The following CACNG2 variants were observed in gnomAD, a reference collection of about 807,000 sequenced individuals.
CACNG2 encodes the protein calcium voltage-gated channel auxiliary subunit gamma 2, also known as voltage-dependent calcium channel gamma-2 subunit.
In CACNG2, 3 loss-of-function variants were observed where a neutral mutation model predicts 25.9. The ratio of observed to expected loss-of-function variants is 0.12; its 90% confidence interval spans 0.05 to 0.30. The LOEUF (loss-of-function observed/expected upper bound fraction) is 0.30, where lower values mean the gene tolerates loss of function less well. Ranked by LOEUF, CACNG2 falls within the 10% of genes least tolerant of loss-of-function variation. CACNG2 has a pLI of 1.00. For missense variants in CACNG2, 341 were observed against 432.5 expected, an observed-to-expected ratio of 0.79 and a Z score of 1.88; for synonymous variants, 167 against 173.3, an observed-to-expected ratio of 0.96 and a Z score of 0.29.
intron 2 of CACNG2, among the ~76,000 whole-genome samples, chr22:36,571,050 T>C (rs1471725615): frequency 6.6e-6 from 1 of 152,176 alleles, no homozygotes; most frequent in Non-Finnish European, 1.5e-5. Context: ...GAGCCTCAGT[T>C]TCCCCATCCT....
intron 1 of CACNG2, among the ~76,000 whole-genome samples, chr22:36,607,166 T>C (rs553698540): frequency 6.6e-6 from 1 of 152,224 alleles, no homozygotes; most frequent in South Asian, 2.1e-4. Flanking sequence ...GATTCCTCCA[T>C]CGGGTGAAAA....
chr22:36,625,552 T>C (rs1936171849), intron 1 of CACNG2, among the ~76,000 whole-genome samples: 1 of 152,186 alleles, frequency 6.6e-6, no homozygotes, highest in Admixed American at 6.5e-5. Flanking sequence ...CTTCCAAGTA[T>C]GTAGTAGGCT....
At chr22:36,691,211 G>A (rs1178232780) in intron 1 of CACNG2, among the ~76,000 whole-genome samples, 2 of 152,188 alleles carry the variant, frequency 1.3e-5, no homozygotes, top group Non-Finnish European at 2.9e-5. Flanking sequence ...CAGGTGGGAG[G>A]GAGCAGGGTG....
At chr22:36,693,053 T>A (rs1224634845) in intron 1 of CACNG2, among the ~76,000 whole-genome samples, 1 of 151,920 alleles carries the variant, frequency 6.6e-6, no homozygotes, top group Non-Finnish European at 1.5e-5. Context: ...GGCTGAGGCA[T>A]AAGAATTGCT....
intron 1 of CACNG2, among the ~76,000 whole-genome samples, chr22:36,697,798 G>A (rs1309327334): frequency 6.6e-6 from 1 of 152,128 alleles, no homozygotes; most frequent in Non-Finnish European, 1.5e-5. Context: ...AACAGGGGTG[G>A]GCCATTCTAA....
intron 1 of CACNG2, among the ~76,000 whole-genome samples, chr22:36,605,457 C>G (rs962484171): frequency 2.6e-5 from 4 of 152,182 alleles, no homozygotes; most frequent in African/African-American, 4.8e-5. Context: ...TTGTGGTGAT[C>G]CAGAACCGAA....
intron 1 of CACNG2, among the ~76,000 whole-genome samples, chr22:36,601,115 T>C (rs1418626002): frequency 1.3e-5 from 2 of 152,250 alleles, no homozygotes; most frequent in African/African-American, 4.8e-5. Context: ...TTTGCTACTT[T>C]GAATCCTTTG....
chr22:36,700,709 TG>T (rs1937400799), intron 1 of CACNG2, among the ~76,000 whole-genome samples: 1 of 152,204 alleles, frequency 6.6e-6, no homozygotes, highest in Non-Finnish European at 1.5e-5. Context: ...TGTGTGTGCA[TG>T]TGTTTAAAAC....
intron 2 of CACNG2, among the ~76,000 whole-genome samples, chr22:36,578,001 T>C (rs575711692): frequency 9.9e-5 from 15 of 152,080 alleles, no homozygotes; most frequent in African/African-American, 3.6e-4. Context: ...GGGCAGGTCA[T>C]TTTCCCTCTT....
intron 2 of CACNG2, among the ~76,000 whole-genome samples, chr22:36,585,776 C>T (rs1412839097): frequency 6.6e-6 from 1 of 152,216 alleles, no homozygotes; most frequent in Non-Finnish European, 1.5e-5. Flanking sequence ...CAATCTGAGT[C>T]CAAGTCTTTT....
In CACNG2 at chr22:36,570,050, A is replaced by G. The variant is rs1935198369; in HGVS notation, c.296-3557T>C. On this transcript the variant is annotated intron_variant, in intron 2 of 3. Coordinates refer to ENST00000300105, the MANE Select transcript of CACNG2 (RefSeq NM_006078.5). Reference sequence around the variant, plus strand: ...GTCTTACTACCCACAGGATGCCTGCAGGTCGCCGACCCAATTGTGCCCTCA... The same window carrying G: ...GTCTTACTACCCACAGGATGCCTGCGGGTCGCCGACCCAATTGTGCCCTCA... 2.6e-5 allele frequency among the ~76,000 whole-genome samples: 4 copies of G among 152,206 alleles called. No individual in the cohort carries two copies. In the South Asian group the frequency reaches 8.3e-4, roughly 32 times the overall value.
chr22:36,663,844 A>C (rs1192218477), intron 1 of CACNG2, among the ~76,000 whole-genome samples: 1 of 152,182 alleles, frequency 6.6e-6, no homozygotes, highest in Admixed American at 6.5e-5. Flanking sequence ...AATTCAGGAC[A>C]CAGGCCTCGA....
intron 2 of CACNG2, among the ~76,000 whole-genome samples, chr22:36,567,835 G>GA (rs1175200342): frequency 6.6e-6 from 1 of 152,074 alleles, no homozygotes; most frequent in African/African-American, 2.4e-5. Context: ...AGGGGTGAGG[G>GA]AAAATATGTC....
intron 1 of CACNG2, among the ~76,000 whole-genome samples, chr22:36,682,073 G>T (rs917021285): frequency 1.3e-5 from 2 of 152,214 alleles, no homozygotes; most frequent in African/African-American, 4.8e-5. Context: ...CCAAGAGGCA[G>T]AATTCCTATG....
chr22:36,603,528 A>G (rs1935784972), intron 1 of CACNG2, among the ~76,000 whole-genome samples: 1 of 152,220 alleles, frequency 6.6e-6, no homozygotes, highest in Admixed American at 6.5e-5. Context: ...TCATAGCAAG[A>G]GAGGTCAATG....
intron 1 of CACNG2, among the ~76,000 whole-genome samples, chr22:36,603,481 A>G (rs1034467483): frequency 1.3e-5 from 2 of 152,258 alleles, no homozygotes; most frequent in Non-Finnish European, 2.9e-5. Flanking sequence ...GGTAGATGCA[A>G]CAGCTTTCTA....
At position 36,579,948 on chromosome 22, in the gene CACNG2, C is replaced by T. The variant is rs148672217; in HGVS notation, c.295+7517G>A. On this transcript the variant is annotated intron_variant, in intron 2 of 3. Coordinates refer to ENST00000300105, the MANE Select transcript of CACNG2 (RefSeq NM_006078.5). Reference sequence around the variant, plus strand: ...CCCTGTTTCCTCTTTGTTCTTTGCGCTCATCGCTATGCAATGGGACACAAC... The same window carrying T: ...CCCTGTTTCCTCTTTGTTCTTTGCGTTCATCGCTATGCAATGGGACACAAC... 7.3e-4 allele frequency among the ~76,000 whole-genome samples: 111 copies of T among 152,350 alleles called. 1 individual carries two copies. Among genetic ancestry groups the T allele is most frequent in the Middle Eastern group, 3.4e-3 (1 of 294 alleles).
At chr22:36,578,282 C>A (rs1935358817) in intron 2 of CACNG2, among the ~76,000 whole-genome samples, 1 of 149,844 alleles carries the variant, frequency 6.7e-6, no homozygotes, top group African/African-American at 2.5e-5. Context: ...TGCTTGAACC[C>A]AGGAGGCGGA....
intron 1 of CACNG2, among the ~76,000 whole-genome samples, chr22:36,593,012 C>T (rs548435894): frequency 1.3e-3 from 201 of 152,222 alleles, no homozygotes; most frequent in African/African-American, 4.7e-3. Context: ...ATCCTTGGGG[C>T]GGGCCTTGGA....
Sources: gnomAD v4.1 joint callset for allele counts (sites outside exome capture counted in the v4.1 genomes callset) on GRCh38, gnomAD v4.1.1 for gene constraint, MANE v1.5 for transcripts, NCBI Gene and HGNC (gene_info 2026-07-23, HGNC 2026-07-21) for gene names.